The following ROBO1 variants were observed in gnomAD, a reference collection of about 807,000 sequenced individuals.
ROBO1 encodes roundabout guidance receptor 1.
ROBO1 carries 149 observed loss-of-function variants against 195.9 expected under a neutral mutation model. The ratio of observed to expected loss-of-function variants is 0.76; its 90% CI spans 0.67 to 0.87. The LOEUF is 0.87. Ranked by LOEUF, ROBO1 falls within the 40% of genes least tolerant of loss-of-function variation. The pLI is 0.00. For missense variants in ROBO1, 1,933 were observed against 2,068.3 expected (o/e 0.93, Z 1.27); for synonymous variants, 816 against 733.2 (o/e 1.11, Z -1.82).
In ROBO1 at chr3:79,097,571, T is replaced by C. The variant is rs896276904; in HGVS notation, c.172+27885A>G. On this transcript the variant is annotated intron_variant, in intron 3 of 30. Coordinates refer to ENST00000464233, the MANE Select transcript of ROBO1 (RefSeq NM_002941.4). ...CATTTTTTTGTATTATATAATCAAA[T>C]TGGCTTTATGTCAAGTCAGTTCAAA... Among the ~76,000 whole-genome samples the C allele has an allele frequency of 1.1e-4, 17 of 151,804 alleles. No individual in the cohort carries two copies. The South Asian group carries it at 2.5e-3, about 22-fold the overall frequency.
chr3:79,004,689 T>C (rs900664785), intron 3 of ROBO1, among the ~76,000 whole-genome samples: 2 of 152,152 alleles, frequency 1.3e-5, no homozygotes, highest in African/African-American at 4.8e-5. Context: ...ATAGACAGTG[T>C]ATCCCCAAAT....
Position 78,600,319 on chromosome 3 carries a change from G to C in ROBO1, c.4745-10C>G. 1.3e-6 allele frequency: 2 copies of C among 1,558,080 alleles called. No homozygotes were observed. The highest frequency in any genetic ancestry group is 1.8e-6 in the Non-Finnish European group (2 of 1,130,118). On this transcript the variant is annotated splice_polypyrimidine_tract_variant and intron_variant, in intron 29 of 30. Transcript: ENST00000464233. ...TAAGGTAGAATATCCTCTGTGTAATGAAATATAATAAATGCAGGTGAGTAC... is the reference window on the plus strand; with the variant it reads ...TAAGGTAGAATATCCTCTGTGTAATCAAATATAATAAATGCAGGTGAGTAC...
intron 2 of ROBO1, among the ~76,000 whole-genome samples, chr3:79,427,529 A>AT (rs376786951): frequency 7.2e-4 from 110 of 152,178 alleles, no homozygotes; most frequent in African/African-American, 2.5e-3. Context: ...GTTCCAGGAC[A>AT]TTTTTTGAGT....
chr3:79,158,212 T>G (rs1397362135), intron 2 of ROBO1, among the ~76,000 whole-genome samples: 1 of 151,590 alleles, frequency 6.6e-6, no homozygotes, highest in Non-Finnish European at 1.5e-5. Context: ...GTAGAGTACC[T>G]TTCAACATTT....
chr3:78,734,730 C>T (rs1200814964), intron 5 of ROBO1, among the ~76,000 whole-genome samples: 1 of 151,940 alleles, frequency 6.6e-6, no homozygotes, highest in Admixed American at 6.6e-5. Context: ...AAACTGAGGA[C>T]TTTAATTCAT....
intron 1 of ROBO1, among the ~76,000 whole-genome samples, chr3:79,755,209 A>ACCC (rs1704322609): frequency 6.6e-6 from 1 of 152,006 alleles, no homozygotes; most frequent in African/African-American, 2.4e-5. Context: ...AGTTTCTTAT[A>ACCC]CCCTCAAATT....
chr3:79,012,655 A>G (rs1473562102), intron 3 of ROBO1, among the ~76,000 whole-genome samples: 2 of 152,214 alleles, frequency 1.3e-5, no homozygotes, highest in African/African-American at 4.8e-5. Context: ...GACATTTGGA[A>G]GCCAAGTAAA....
intron 1 of ROBO1, among the ~76,000 whole-genome samples, chr3:79,752,033 T>C (rs1704150160): frequency 6.6e-6 from 1 of 152,142 alleles, no homozygotes; most frequent in Non-Finnish European, 1.5e-5. Context: ...ATGTCCCTTA[T>C]AGTAGGGTAT....
intron 2 of ROBO1, among the ~76,000 whole-genome samples, chr3:79,345,354 A>C (rs568110432): frequency 6.6e-6 from 1 of 152,254 alleles, no homozygotes; most frequent in Admixed American, 6.5e-5. Flanking sequence ...CTTTGCTGAC[A>C]GGAGCAGAAG....
intron 4 of ROBO1, among the ~76,000 whole-genome samples, chr3:78,915,699 A>G (rs2038519311): frequency 6.6e-6 from 1 of 151,928 alleles, no homozygotes; most frequent in Admixed American, 6.6e-5. Context: ...TTTTTGAGGC[A>G]GGGTTTTGCT....
intron 2 of ROBO1, among the ~76,000 whole-genome samples, chr3:79,380,932 T>A (rs1172854771): frequency 6.6e-6 from 1 of 152,168 alleles, no homozygotes; most frequent in Non-Finnish European, 1.5e-5. Flanking sequence ...GAACTGAGAC[T>A]GAGATGCTAC....
intron 2 of ROBO1, among the ~76,000 whole-genome samples, chr3:79,569,196 C>G (rs1484798036): frequency 6.6e-6 from 1 of 152,236 alleles, no homozygotes; most frequent in Non-Finnish European, 1.5e-5. Context: ...ATTGATTTCT[C>G]TCGCTGACAA....
chr3:79,362,577 T>C (rs2035812550), intron 2 of ROBO1, among the ~76,000 whole-genome samples: 1 of 152,128 alleles, frequency 6.6e-6, no homozygotes, highest in South Asian at 2.1e-4. Flanking sequence ...CTTGATGAAA[T>C]TAAAATTAAG....
chr3:78,692,417 G>T (rs1474317027), intron 8 of ROBO1, among the ~76,000 whole-genome samples: 4 of 151,936 alleles, frequency 2.6e-5, no homozygotes, highest in Non-Finnish European at 4.4e-5. Flanking sequence ...TTACAGGTGT[G>T]CGCCATCACA....
At chr3:79,188,548 GCACA>G (rs148120880) in intron 2 of ROBO1, among the ~76,000 whole-genome samples, 1 of 149,768 alleles carries the variant, frequency 6.7e-6, no homozygotes, top group Non-Finnish European at 1.5e-5. Flanking sequence ...CTTTGCACAC[GCACA>G]CACACACACA....
In ROBO1 at chr3:78,997,144, G is replaced by C. The variant is rs191079848; in HGVS notation, c.173-58217C>G. On this transcript the variant is annotated intron_variant, in intron 3 of 30. Coordinates refer to ENST00000464233, the MANE Select transcript of ROBO1 (RefSeq NM_002941.4). Reference sequence around the variant, plus strand: ...AACTATCTGATCCAAAATGTGATTAGTGCTGGACTTGACAAACCCAGATAG... The same window carrying C: ...AACTATCTGATCCAAAATGTGATTACTGCTGGACTTGACAAACCCAGATAG... Among the ~76,000 whole-genome samples the C allele has an allele frequency of 3.9e-3, 598 of 152,244 alleles. 5 individuals are homozygous for C. Among genetic ancestry groups the C allele is most frequent in the African/African-American group, 0.014 (569 of 41,554 alleles).
chr3:79,485,591 T>C (rs1041163050), intron 2 of ROBO1, among the ~76,000 whole-genome samples: 4 of 152,168 alleles, frequency 2.6e-5, no homozygotes, highest in Admixed American at 1.3e-4. Flanking sequence ...ACAATCGTAA[T>C]AGATACCATG....
At chr3:79,555,337 A>G (rs1942660259) in intron 2 of ROBO1, among the ~76,000 whole-genome samples, 1 of 152,070 alleles carries the variant, frequency 6.6e-6, no homozygotes, top group African/African-American at 2.4e-5. Context: ...TGAACCAGGA[A>G]AGTTACCGAT....
chr3:79,209,591 A>G (rs2081935182), intron 2 of ROBO1, among the ~76,000 whole-genome samples: 1 of 152,170 alleles, frequency 6.6e-6, no homozygotes, highest in African/African-American at 2.4e-5. Flanking sequence ...TGTTTTCCAT[A>G]GTGGTTGTAC....
Sources: allele counts gnomAD v4.1 joint callset (sites outside exome capture counted in the v4.1 genomes callset), GRCh38; gene constraint gnomAD v4.1.1; transcripts MANE v1.5; gene names NCBI Gene and HGNC (gene_info 2026-07-23, HGNC 2026-07-21).